PPHLN1: variants seen among roughly 807,000 people sequenced by gnomAD.
PPHLN1 encodes periphilin-1.
Under a neutral mutation model 51.3 loss-of-function variants are expected in PPHLN1, and 29 were observed. The ratio of observed to expected loss-of-function variants is 0.57; its 90% CI spans 0.42 to 0.77. PPHLN1 has a LOEUF of 0.77. Ranked by LOEUF, PPHLN1 falls within the 30% of genes least tolerant of loss-of-function variation. The pLI is 0.00. For synonymous variants in PPHLN1, 147 were observed against 147.8 expected, an observed-to-expected ratio of 0.99 and a Z score of 0.04; for missense variants, 436 against 438.4, an observed-to-expected ratio of 0.99 and a Z score of 0.05.
rs118048277 is a variant in PPHLN1, at chr12:42,334,418, C to T, written c.-20-1465C>T. 9.9e-3 allele frequency among the ~76,000 whole-genome samples: 1,499 copies of T among 152,124 alleles called. 14 individuals carry two copies. Among genetic ancestry groups the T allele is most frequent in the Non-Finnish European group, 0.016 (1,055 of 67,984 alleles). On this transcript the variant is annotated intron_variant, in intron 1 of 9. Coordinates refer to ENST00000358314, the MANE Select transcript of PPHLN1 (RefSeq NM_201439.2). ...AGAAAATATTATAGTTGTGTTTTTG[C>T]AGAGAAAATTGGTTGCTTTGCTATA...
rs1213561958 is a variant in PPHLN1, at chr12:42,348,276, ATTTTTTTTT to A, written c.73-3592_73-3584del. Among the ~76,000 whole-genome samples, 33 of 85,608 alleles carry A rather than the reference ATTTTTTTTT, an allele frequency of 3.9e-4. No homozygotes were observed. The East Asian group carries it at 5.8e-3, about 15-fold the overall frequency. 56.2% of individuals were successfully genotyped at this position (85,608 alleles called of 152,430 possible). On this transcript the variant is annotated intron_variant, in intron 2 of 9. Coordinates refer to ENST00000358314, the MANE Select transcript of PPHLN1 (RefSeq NM_201439.2). The stretch of plus-strand genomic sequence containing the variant: ...CAGGCATGCACACCTCACCTGGCTA[ATTTTTTTTT>A]TTTTTTTTTTTTTTTTAGTAGAAAC...
intron 2 of PPHLN1, among the ~76,000 whole-genome samples, chr12:42,344,491 A>G (rs1206157023): frequency 9.9e-5 from 15 of 152,192 alleles, no homozygotes; most frequent in Admixed American, 9.8e-4. Flanking sequence ...TAAAATGTCA[A>G]TAAGTATTTC....
chr12:42,412,334 A>G (rs140904153), intron 9 of PPHLN1, among the ~76,000 whole-genome samples: 1 of 152,298 alleles, frequency 6.6e-6, no homozygotes, highest in Non-Finnish European at 1.5e-5. Flanking sequence ...ACTTGTGAGA[A>G]CATATGGTAT....
chr12:42,403,339 C>T lies in PPHLN1; in HGVS notation c.909+4345C>T, dbSNP rs527893809. 9.5e-4 allele frequency among the ~76,000 whole-genome samples: 145 copies of T among 152,214 alleles called. 2 individuals are homozygous for T. The highest frequency in any genetic ancestry group is 4.6e-3 in the Admixed American group (70 of 15,290). Reference sequence around the variant, plus strand: ...TAAAATATACTCACATAAGATGTACCTCTGAAAGTCTGGATTCCCAAAACA... The same window carrying T: ...TAAAATATACTCACATAAGATGTACTTCTGAAAGTCTGGATTCCCAAAACA... On this transcript the variant is annotated intron_variant, in intron 9 of 9. Coordinates refer to ENST00000358314, the MANE Select transcript of PPHLN1 (RefSeq NM_201439.2).
intron 8 of PPHLN1, 74 bp downstream of exon 8, chr12:42,393,763 T>C (rs942759275): frequency 1.4e-6 from 2 of 1,442,092 alleles, no homozygotes; most frequent in African/African-American, 2.9e-5. Flanking sequence ...GCGAAAAATA[T>C]TTGGTTTATT....
At chr12:42,418,171 C>T (rs561072997) in intron 9 of PPHLN1, among the ~76,000 whole-genome samples, 1 of 147,332 alleles carries the variant, frequency 6.8e-6, no homozygotes, top group South Asian at 2.1e-4. Context: ...GATCTCATGA[C>T]CTCGTGATCT....
intron 3 of PPHLN1, among the ~76,000 whole-genome samples, chr12:42,354,514 C>G (rs949649855): frequency 1.3e-5 from 2 of 152,024 alleles, no homozygotes; most frequent in Admixed American, 1.3e-4. Context: ...CTGGCCAATT[C>G]TGTGTGTAAT....
intron 2 of PPHLN1, among the ~76,000 whole-genome samples, chr12:42,341,863 C>T (rs964406132): frequency 2.0e-5 from 3 of 152,018 alleles, no homozygotes; most frequent in Non-Finnish European, 2.9e-5. Context: ...CCTCGTGATC[C>T]GCCTGCCTTG....
chr12:42,354,964 A>G (rs1041456750), intron 3 of PPHLN1, among the ~76,000 whole-genome samples, 197 bp from the exon 4 acceptor site: 2 of 152,238 alleles, frequency 1.3e-5, no homozygotes, highest in African/African-American at 4.8e-5. Flanking sequence ...GCATTTTAAT[A>G]GAGATAAATG....
At chr12:42,439,385 A>G (rs1309221870) in intron 9 of PPHLN1, among the ~76,000 whole-genome samples, 2 of 152,228 alleles carry the variant, frequency 1.3e-5, no homozygotes, top group Non-Finnish European at 2.9e-5. Flanking sequence ...TTAAAAGATC[A>G]GTTCACTGTA....
intron 9 of PPHLN1, among the ~76,000 whole-genome samples, chr12:42,411,266 A>G (rs567549916): frequency 1.3e-5 from 2 of 152,006 alleles, no homozygotes; most frequent in South Asian, 2.1e-4. Context: ...ATTTATTTCA[A>G]TAGCTTTTAG....
intron 4 of PPHLN1, among the ~76,000 whole-genome samples, chr12:42,367,671 A>G (rs11832196): frequency 0.029 from 4,433 of 152,168 alleles, 233 homozygotes; most frequent in African/African-American, 0.1. Flanking sequence ...GTTTTTTATT[A>G]GTGTGTTCAT....
intron 3 of PPHLN1, among the ~76,000 whole-genome samples, chr12:42,353,841 A>G (rs766927916): frequency 6.6e-6 from 1 of 152,206 alleles, no homozygotes; most frequent in Non-Finnish European, 1.5e-5. Context: ...AAAAACTTGT[A>G]GCATAATAAA....
At chr12:42,344,706 G>T (rs2072009487) in intron 2 of PPHLN1, among the ~76,000 whole-genome samples, 3 of 132,216 alleles carry the variant, frequency 2.3e-5, no homozygotes, top group Non-Finnish European at 3.3e-5. Flanking sequence ...ACAACAGTGT[G>T]GATTTTTTTT....
chr12:42,362,928 A>C (rs1332685950), intron 4 of PPHLN1, among the ~76,000 whole-genome samples: 3 of 152,188 alleles, frequency 2.0e-5, no homozygotes, highest in African/African-American at 4.8e-5. Context: ...CCTGTTTGTC[A>C]AACAGCAGGC....
chr12:42,412,642 A>C (rs968600764), intron 9 of PPHLN1, among the ~76,000 whole-genome samples: 5 of 152,230 alleles, frequency 3.3e-5, no homozygotes, highest in Admixed American at 3.3e-4. Context: ...GGATAGATAT[A>C]CAGTAGTAGG....
chr12:42,436,065 A>G (rs2082453321), intron 9 of PPHLN1, among the ~76,000 whole-genome samples: 1 of 152,224 alleles, frequency 6.6e-6, no homozygotes, highest in African/African-American at 2.4e-5. Flanking sequence ...AGTCTCCACC[A>G]TCCCAACAAA....
intron 2 of PPHLN1, among the ~76,000 whole-genome samples, chr12:42,342,720 T>TA (rs2071681440): frequency 6.6e-6 from 1 of 152,250 alleles, no homozygotes; most frequent in South Asian, 2.1e-4. Context: ...CTTTAACAAA[T>TA]ACATTATTTT....
intron 9 of PPHLN1, among the ~76,000 whole-genome samples, chr12:42,406,547 C>T (rs2079329619): frequency 6.6e-6 from 1 of 152,118 alleles, no homozygotes; most frequent in Admixed American, 6.5e-5. Context: ...AGGACTGTTT[C>T]CTGTGGTTAT....
Sources: allele counts gnomAD v4.1 joint callset (sites outside exome capture counted in the v4.1 genomes callset), GRCh38; gene constraint gnomAD v4.1.1; transcripts MANE v1.5; gene names NCBI Gene and HGNC (gene_info 2026-07-23, HGNC 2026-07-21).